Variants in MGAT5 observed in about 807,000 individuals in gnomAD.
MGAT5 encodes the protein alpha-1,6-mannosylglycoprotein 6-beta-N-acetylglucosaminyltransferase A.
In MGAT5, 30 loss-of-function variants were observed where a neutral mutation model predicts 94.3. The observed-to-expected ratio is 0.32, with a 90% CI of 0.24 to 0.43. The LOEUF (loss-of-function observed/expected upper bound fraction) is 0.43, where lower values mean the gene tolerates loss of function less well. MGAT5 is among the 20% of genes least tolerant of loss of function. The pLI is 1.00. For synonymous variants in MGAT5, 310 were observed against 322.9 expected (o/e 0.96, Z 0.43); for missense variants, 691 against 905.5 (o/e 0.76, Z 3.04).
intron 1 of MGAT5, among the ~76,000 whole-genome samples, chr2:134,169,849 A>G (rs1187643637): frequency 6.6e-6 from 1 of 152,234 alleles, no homozygotes; most frequent in African/African-American, 2.4e-5. Context: ...AGGGTGGCGC[A>G]GTAGTTTTCA....
chr2:134,167,768 G>A (rs989532034), intron 1 of MGAT5, among the ~76,000 whole-genome samples: 2 of 152,160 alleles, frequency 1.3e-5, no homozygotes, highest in African/African-American at 4.8e-5. Context: ...CTACATAAGT[G>A]GTCTCCCAGC....
chr2:134,382,340 A>G (rs553714295), intron 10 of MGAT5, among the ~76,000 whole-genome samples: 1 of 152,122 alleles, frequency 6.6e-6, no homozygotes, highest in East Asian at 1.9e-4. Context: ...TCCCCAGGTG[A>G]TTATAATATG....
At chr2:134,163,415 G>T (rs1240925548) in intron 1 of MGAT5, among the ~76,000 whole-genome samples, 1 of 152,174 alleles carries the variant, frequency 6.6e-6, no homozygotes, top group Non-Finnish European at 1.5e-5. Flanking sequence ...AGGGGCATGA[G>T]GATGGAGAAA....
intron 1 of MGAT5, among the ~76,000 whole-genome samples, chr2:134,233,549 A>G (rs2105406435): frequency 6.6e-6 from 1 of 152,326 alleles, no homozygotes. Context: ...GGAAGAAAGA[A>G]AACCACAACT....
intron 4 of MGAT5, among the ~76,000 whole-genome samples, chr2:134,333,757 T>C (rs933022360): frequency 6.6e-6 from 1 of 152,160 alleles, no homozygotes; most frequent in Non-Finnish European, 1.5e-5. Flanking sequence ...TTTCCTTGAA[T>C]GTTATTAATG....
At chr2:134,217,860 G>T (rs1019416751) in intron 1 of MGAT5, among the ~76,000 whole-genome samples, 3 of 152,176 alleles carry the variant, frequency 2.0e-5, no homozygotes, top group African/African-American at 7.2e-5. Context: ...TACAGTACTA[G>T]ATGTTTAAAG....
chr2:134,373,823 C>G (rs886266876), intron 10 of MGAT5, among the ~76,000 whole-genome samples: 9 of 152,336 alleles, frequency 5.9e-5, no homozygotes, highest in African/African-American at 1.9e-4. Context: ...CTCGATGAAG[C>G]CTTCTCAGCT....
intron 2 of MGAT5, among the ~76,000 whole-genome samples, chr2:134,307,496 C>G (rs1342740236): frequency 6.6e-6 from 1 of 152,096 alleles, no homozygotes; most frequent in African/African-American, 2.4e-5. Flanking sequence ...GGCCATTGTA[C>G]TGAAACTCCG....
At chr2:134,187,973 G>A (rs556477405) in intron 1 of MGAT5, among the ~76,000 whole-genome samples, 54 of 152,342 alleles carry the variant, frequency 3.5e-4, no homozygotes, top group African/African-American at 1.3e-3. Context: ...AAGAGACGGT[G>A]CTGAAAAGGA....
intron 10 of MGAT5, among the ~76,000 whole-genome samples, chr2:134,400,241 T>C (rs768970880): frequency 6.6e-6 from 1 of 152,212 alleles, no homozygotes; most frequent in Non-Finnish European, 1.5e-5. Context: ...GTGGTTCATC[T>C]GCACCAGGAT....
At chr2:134,160,983 T>C (rs16830124) in intron 1 of MGAT5, among the ~76,000 whole-genome samples, 25,901 of 152,204 alleles carry the variant, frequency 0.17, 2,393 homozygotes, top group South Asian at 0.23. Flanking sequence ...GACTTAATAG[T>C]TTTAGCAGAG....
intron 1 of MGAT5, among the ~76,000 whole-genome samples, chr2:134,164,835 G>A (rs1303648118): frequency 7.1e-6 from 1 of 141,804 alleles, no homozygotes. Flanking sequence ...AGTGACACCC[G>A]TCTCAAAAAA....
intron 14 of MGAT5, among the ~76,000 whole-genome samples, chr2:134,433,283 C>T (rs969609885): frequency 2.0e-5 from 3 of 152,266 alleles, no homozygotes; most frequent in African/African-American, 4.8e-5. Flanking sequence ...TTTGTTTATC[C>T]GTTCACCAAT....
At chr2:134,218,942 A>G (rs1239220483) in intron 1 of MGAT5, among the ~76,000 whole-genome samples, 1 of 152,212 alleles carries the variant, frequency 6.6e-6, no homozygotes, top group East Asian at 1.9e-4. Context: ...AAAACTTCTT[A>G]AAGGCTGTGT....
chr2:134,195,591 T>C (rs1679457063), intron 1 of MGAT5, among the ~76,000 whole-genome samples: 1 of 152,214 alleles, frequency 6.6e-6, no homozygotes. Context: ...AGGTTTCCGT[T>C]TGCTTCACTA....
At chr2:134,293,427 C>T (rs1685490490) in intron 2 of MGAT5, among the ~76,000 whole-genome samples, 1 of 151,942 alleles carries the variant, frequency 6.6e-6, no homozygotes, top group Admixed American at 6.6e-5. Context: ...TATTCTTCCT[C>T]CCTTCCTTTT....
At chr2:134,263,298 C>T (rs1467220004) in intron 1 of MGAT5, among the ~76,000 whole-genome samples, 1 of 152,168 alleles carries the variant, frequency 6.6e-6, no homozygotes, top group Non-Finnish European at 1.5e-5. Flanking sequence ...TTCCATAAAG[C>T]ACTTAATATC....
chr2:134,249,251 A>G (rs1682452001), upstream of MGAT5, among the ~76,000 whole-genome samples: 1 of 146,438 alleles, frequency 6.8e-6, no homozygotes, highest in African/African-American at 2.5e-5. Flanking sequence ...TTTTTTTGAG[A>G]TATGATACAC....
chr2:134,441,686 G>T (rs1685493611), intron 14 of MGAT5, 72 bp from the exon 15 acceptor site: 2 of 1,537,694 alleles, frequency 1.3e-6, no homozygotes, highest in Non-Finnish European at 8.8e-7. Context: ...CCATTGCTAG[G>T]GTGGTTGGCA....
Sources: gnomAD v4.1 joint callset for allele counts (sites outside exome capture counted in the v4.1 genomes callset) on GRCh38, gnomAD v4.1.1 for gene constraint, MANE v1.5 for transcripts, NCBI Gene and HGNC (gene_info 2026-07-23, HGNC 2026-07-21) for gene names.